PPARGC1B: variants seen among roughly 807,000 people sequenced by gnomAD.
PPARGC1B encodes PPARG coactivator 1 beta.
Under a neutral mutation model 101.6 loss-of-function variants are expected in PPARGC1B, and 34 were observed. The ratio of observed to expected loss-of-function variants is 0.33; its 90% CI spans 0.25 to 0.45. The LOEUF (loss-of-function observed/expected upper bound fraction) is 0.45, where lower values mean the gene tolerates loss of function less well. Ranked by LOEUF, PPARGC1B falls within the 20% of genes least tolerant of loss-of-function variation. The pLI, the probability that PPARGC1B is intolerant of heterozygous loss-of-function variation, is 1.00. For missense variants in PPARGC1B, 1,234 were observed against 1,317.6 expected (o/e 0.94, Z 0.98); for synonymous variants, 548 against 539.3 (o/e 1.02, Z -0.22).
intron 10 of PPARGC1B, 71 bp downstream of exon 10, chr5:149,842,448 C>T (rs1377686418): frequency 1.9e-6 from 3 of 1,566,530 alleles, no homozygotes; most frequent in Admixed American, 1.7e-5. Context: ...GAATTGGGTA[C>T]CAGAAGATGC....
intron 1 of PPARGC1B, among the ~76,000 whole-genome samples, chr5:149,815,143 T>G (rs997225675): frequency 1.3e-5 from 2 of 152,206 alleles, no homozygotes; most frequent in African/African-American, 2.4e-5. Flanking sequence ...GAATCCAAGC[T>G]TCACCCTTTT....
chr5:149,761,528 C>T (rs1465864544), intron 1 of PPARGC1B: 3 of 152,146 alleles, frequency 2.0e-5, no homozygotes, highest in African/African-American at 7.2e-5. Flanking sequence ...TGCACTCTCA[C>T]GTTCATTGCA....
At chr5:149,840,013 T>G in intron 8 of PPARGC1B, 28 bp from the exon 9 acceptor site, 1 of 1,611,574 alleles carries the variant, frequency 6.2e-7, no homozygotes, top group East Asian at 2.2e-5. Flanking sequence ...CGAGAGTGAG[T>G]GCCTCTGCTT....
rs541018172 is a variant in PPARGC1B at position 149,835,302 on chromosome 5, G to A, written c.1744G>A (p.Asp582Asn). 17 of 1,614,064 alleles carry A rather than the reference G, an allele frequency of 1.1e-5. No homozygotes were observed. Among genetic ancestry groups the A allele is most frequent in the Admixed American group, 3.3e-5 (2 of 60,014 alleles). ...RCLMLALSQS[D>N]PTFGKKSFEQ... Reference sequence around the variant, plus strand: ...TTCTGTCCTCCCTGCCTCCACCAGCGACCCAACTTTTGGCAAGAAGAGCTT... The same window carrying A: ...TTCTGTCCTCCCTGCCTCCACCAGCAACCCAACTTTTGGCAAGAAGAGCTT... The change falls in exon 7 of 12, where the codon GAC (aspartate) becomes AAC (asparagine). Residue 582 changes from aspartate to asparagine, a missense_variant and splice_region_variant. By Grantham distance (23) the Asp-to-Asn change is conservative (BLOSUM62 1). Transcript: ENST00000309241.
chr5:149,789,820 C>G (rs1756949192), intron 1 of PPARGC1B, among the ~76,000 whole-genome samples: 1 of 152,220 alleles, frequency 6.6e-6, no homozygotes, highest in Admixed American at 6.5e-5. Context: ...TAGATCCTTT[C>G]TTGTTCAGGA....
In PPARGC1B at chr5:149,826,392, G is replaced by A. The variant is rs147151080; in HGVS notation, c.253-281G>A. Among the ~76,000 whole-genome samples the A allele has an allele frequency of 1.8e-4, 27 of 152,292 alleles. No individual in the cohort carries two copies. The East Asian group carries it at 4.4e-3, about 25-fold the overall frequency. ...GCCCAGGTATGTGATAAGCAGCAGA[G>A]CCCAGAGTGGGACTCCCAGGCAGGG... On this transcript the variant is annotated intron_variant, in intron 2 of 11. Coordinates refer to ENST00000309241, the MANE Select transcript of PPARGC1B (RefSeq NM_133263.4).
Position 149,834,178 on chromosome 5 carries a change from G to A in PPARGC1B, c.1705+400G>A, listed in dbSNP as rs565322205. ...GCTAGAGTTTTAAATGCTGCTAATA[G>A]CAGTAATGATAACAACAGTTAGCCA... On this transcript the variant is annotated intron_variant, in intron 5 of 11. Transcript: ENST00000309241. 1.5e-4 allele frequency among the ~76,000 whole-genome samples: 23 copies of A among 152,356 alleles called. 3 individuals carry two copies. The South Asian group carries it at 4.8e-3, about 32-fold the overall frequency.
intron 1 of PPARGC1B, among the ~76,000 whole-genome samples, chr5:149,781,579 TTGTC>T (rs1756602507): frequency 1.3e-5 from 2 of 152,194 alleles, no homozygotes; most frequent in South Asian, 4.1e-4. Context: ...TCCCTCTAAG[TTGTC>T]TGCTTGCCAT....
intron 1 of PPARGC1B, among the ~76,000 whole-genome samples, chr5:149,788,187 G>A (rs535792322): frequency 6.6e-6 from 1 of 152,300 alleles, no homozygotes; most frequent in East Asian, 1.9e-4. Context: ...CTGACAAAGG[G>A]CTAATATCCA....
chr5:149,812,091 G>A (rs546178964), intron 1 of PPARGC1B, among the ~76,000 whole-genome samples: 104 of 152,334 alleles, frequency 6.8e-4, no homozygotes, highest in African/African-American at 2.3e-3. Context: ...GAATCACCAA[G>A]GTTGAGCTCT....
At chr5:149,816,827 T>A (rs1758072235) in intron 1 of PPARGC1B, among the ~76,000 whole-genome samples, 3 of 152,140 alleles carry the variant, frequency 2.0e-5, no homozygotes, top group Admixed American at 2.0e-4. Context: ...TGTCCCACAG[T>A]CCCTAGATGG....
intron 1 of PPARGC1B, among the ~76,000 whole-genome samples, chr5:149,734,321 C>CAAA (rs1221455764): frequency 7.3e-4 from 47 of 64,462 alleles, no homozygotes; most frequent in African/African-American, 9.0e-4. Flanking sequence ...AACTCATTCT[C>CAAA]AAAAAAAAAA....
chr5:149,811,979 C>T (rs1226799384), intron 1 of PPARGC1B, among the ~76,000 whole-genome samples: 1 of 152,210 alleles, frequency 6.6e-6, no homozygotes, highest in African/African-American at 2.4e-5. Flanking sequence ...CTGGAAGATC[C>T]ACTCCCGCCA....
rs895714258 is a variant in PPARGC1B at position 149,771,911 on chromosome 5, G to C, written c.78+41491G>C. 23 of 925,690 alleles carry C rather than the reference G, an allele frequency of 2.5e-5. No homozygotes were observed. The East Asian group carries it at 6.9e-4, about 28-fold the overall frequency. The allele number at this position is 925,690 out of a possible 1,614,324, so 57.3% of individuals were successfully genotyped here. Reference sequence around the variant, plus strand: ...TCCTGTTTAAGTGATGTCACTGAACGTTGTCCCCAAGCTTTAGCATTCTGC... The same window carrying C: ...TCCTGTTTAAGTGATGTCACTGAACCTTGTCCCCAAGCTTTAGCATTCTGC... On this transcript the variant is annotated intron_variant, in intron 1 of 11. Coordinates refer to ENST00000309241, the MANE Select transcript of PPARGC1B (RefSeq NM_133263.4).
At chr5:149,795,815 C>T (rs1027923351) in intron 1 of PPARGC1B, among the ~76,000 whole-genome samples, 2 of 140,920 alleles carry the variant, frequency 1.4e-5, no homozygotes, top group African/African-American at 6.4e-5. Context: ...CTTTTTTTTT[C>T]ACAGTATAAC....
At chr5:149,791,159 G>A (rs1288165988) in intron 1 of PPARGC1B, among the ~76,000 whole-genome samples, 1 of 133,788 alleles carries the variant, frequency 7.5e-6, no homozygotes, top group East Asian at 2.4e-4. Flanking sequence ...GTGCATGCCT[G>A]TAATCCCAGC....
intron 1 of PPARGC1B, among the ~76,000 whole-genome samples, chr5:149,760,488 C>T (rs1476973533): frequency 6.6e-6 from 1 of 152,210 alleles, no homozygotes; most frequent in Non-Finnish European, 1.5e-5. Context: ...TATTATCTGC[C>T]TCACAGAGTG....
In PPARGC1B at chr5:149,832,780, G is replaced by A. The variant is rs1172935367; in HGVS notation, c.707G>A (p.Cys236Tyr). ...CAGGATCGGGGTCTGCAGCCACCATGCCTCCAGAGTCCCCGGCTCCCTGCC... is the reference window on the plus strand; with the variant it reads ...CAGGATCGGGGTCTGCAGCCACCATACCTCCAGAGTCCCCGGCTCCCTGCC... ...CLQDRGLQPP[C>Y]LQSPRLPAKE... The change falls in exon 5 of 12, where the codon TGC becomes TAC. Residue 236 changes from cysteine (C) to tyrosine (Y), a missense_variant. This residue lies in a region of PPARGC1B where 734 missense variants were observed against 768.4 expected (regional missense o/e 0.96). Transcript: ENST00000309241. The surrounding 1 kb of genome is among the most constrained non-coding windows in gnomAD (Gnocchi z 4.9). The A allele has an allele frequency of 6.2e-7, 1 of 1,612,994 alleles. No homozygotes were observed. Among genetic ancestry groups the A allele is most frequent in the African/African-American group, 1.3e-5 (1 of 74,886 alleles).
chr5:149,847,661 C>T lies in PPARGC1B; in HGVS notation c.*103C>T, dbSNP rs987749304. 14 of 809,404 alleles carry T rather than the reference C, an allele frequency of 1.7e-5. No individual in the cohort carries two copies. The highest frequency in any genetic ancestry group is 4.6e-5 in the Admixed American group (2 of 43,180). The allele number at this position is 809,404 out of a possible 1,614,324, so 50.1% of individuals were successfully genotyped here. On this transcript the variant is annotated 3_prime_UTR_variant, in exon 12 of 12. Transcript: ENST00000309241. ...CAAGTATATGAGGAGAGCGAGCGAG[C>T]GTGAGAGAACACCCGTGAGAGAGAC...
Sources: allele counts gnomAD v4.1 joint callset (sites outside exome capture counted in the v4.1 genomes callset), GRCh38; gene constraint gnomAD v4.1.1; regional missense constraint gnomAD v4.1.1; non-coding constraint Gnocchi (gnomAD v3.1); transcripts MANE v1.5; gene names NCBI Gene and HGNC (gene_info 2026-07-23, HGNC 2026-07-21).